BABAM2: variants seen among roughly 807,000 people sequenced by gnomAD.
BABAM2 encodes BRISC and BRCA1-A complex member 2.
A neutral mutation model predicts 54.7 loss-of-function variants in BABAM2; 31 were observed. The observed-to-expected ratio is 0.57, with a 90% CI of 0.43 to 0.77. BABAM2 has a LOEUF of 0.77. Among genes scored for constraint, BABAM2 ranks in the 30% least tolerant of loss-of-function variants. The pLI is 0.00. For missense variants in BABAM2, 364 were observed against 455.8 expected, an observed-to-expected ratio of 0.80 and a Z score of 1.83; for synonymous variants, 167 against 162.9, an observed-to-expected ratio of 1.03 and a Z score of -0.19.
At chr2:27,982,844 TACACACACACACAC>T (rs146744707) in intron 3 of BABAM2, among the ~76,000 whole-genome samples, 8 of 127,164 alleles carry the variant, frequency 6.3e-5, no homozygotes, top group Non-Finnish European at 8.2e-5. Context: ...TCATTATGTG[TACACACACACACAC>T]ACACACACAC....
chr2:27,983,188 G>A (rs1573323726), intron 3 of BABAM2, among the ~76,000 whole-genome samples: 1 of 151,778 alleles, frequency 6.6e-6, no homozygotes, highest in Admixed American at 6.6e-5. Context: ...TTTTTTGTTT[G>A]ATAGTAGCTC....
intron 11 of BABAM2, among the ~76,000 whole-genome samples, chr2:28,332,493 A>G (rs1423989188): frequency 6.6e-6 from 1 of 152,118 alleles, no homozygotes; most frequent in Non-Finnish European, 1.5e-5. Flanking sequence ...GGATGACACA[A>G]TGAGCCAGGG....
intron 3 of BABAM2, among the ~76,000 whole-genome samples, chr2:27,948,642 A>C (rs1007314825): frequency 6.6e-6 from 1 of 152,148 alleles, no homozygotes; most frequent in African/African-American, 2.4e-5. Context: ...ATGATGGCGC[A>C]TGCCTGTAAT....
intron 6 of BABAM2, among the ~76,000 whole-genome samples, chr2:28,119,804 T>C (rs772897086): frequency 6.6e-6 from 1 of 152,188 alleles, no homozygotes; most frequent in Non-Finnish European, 1.5e-5. Context: ...TTGGAAGACA[T>C]GGGCAGGTGG....
intron 2 of BABAM2, 39 bp downstream of exon 2, chr2:27,894,723 A>G (rs761326396): frequency 3.1e-6 from 5 of 1,611,108 alleles, no homozygotes; most frequent in Non-Finnish European, 4.2e-6. Flanking sequence ...TACCAGAACC[A>G]ATTCAACCTT....
At chr2:28,232,104 T>C (rs988738455) in intron 7 of BABAM2, among the ~76,000 whole-genome samples, 1 of 152,094 alleles carries the variant, frequency 6.6e-6, no homozygotes, top group Non-Finnish European at 1.5e-5. Context: ...CTGTGCCTGG[T>C]CAGGTGTCTT....
intron 3 of BABAM2, among the ~76,000 whole-genome samples, chr2:27,935,794 G>A (rs1267073712): frequency 6.6e-6 from 1 of 152,240 alleles, no homozygotes; most frequent in Non-Finnish European, 1.5e-5. Flanking sequence ...ACTGTAATCA[G>A]TCAGGAGCCA....
intron 7 of BABAM2, among the ~76,000 whole-genome samples, chr2:28,132,209 G>A (rs1670145076): frequency 6.9e-6 from 1 of 145,430 alleles, no homozygotes; most frequent in Non-Finnish European, 1.5e-5. Flanking sequence ...CACCATCTCC[G>A]CTCACTGCAA....
chr2:28,061,229 GAGA>G (rs1334401630), intron 6 of BABAM2, among the ~76,000 whole-genome samples: 4 of 152,170 alleles, frequency 2.6e-5, no homozygotes, highest in East Asian at 3.9e-4. Flanking sequence ...AGGCAATTCA[GAGA>G]AGAACAGATA....
intron 4 of BABAM2, among the ~76,000 whole-genome samples, chr2:28,023,136 A>G (rs187053198): frequency 6.6e-6 from 1 of 152,256 alleles, no homozygotes; most frequent in Admixed American, 6.5e-5. Context: ...TATGTCTTTA[A>G]CCATTTGTTT....
chr2:28,178,709 T>TTA (rs1553335512), intron 7 of BABAM2, among the ~76,000 whole-genome samples: 5 of 146,112 alleles, frequency 3.4e-5, no homozygotes, highest in South Asian at 4.3e-4. Flanking sequence ...GTTTTTTTTT[T>TTA]AAAAAGATGA....
intron 3 of BABAM2, among the ~76,000 whole-genome samples, chr2:27,941,962 T>G (rs1464725277): frequency 1.3e-5 from 2 of 152,252 alleles, no homozygotes; most frequent in Non-Finnish European, 2.9e-5. Context: ...GAGCTTCTAC[T>G]TTAATGAATC....
chr2:28,186,135 T>TTCCG (rs1385618573), intron 7 of BABAM2, among the ~76,000 whole-genome samples: 1 of 152,248 alleles, frequency 6.6e-6, no homozygotes, highest in African/African-American at 2.4e-5. Flanking sequence ...TCATGGTTAA[T>TTCCG]TCCGACCTTA....
chr2:28,298,978 A>T (rs1036563883), intron 11 of BABAM2, among the ~76,000 whole-genome samples: 6 of 152,310 alleles, frequency 3.9e-5, no homozygotes, highest in East Asian at 3.9e-4. Flanking sequence ...ATAGTTTTTT[A>T]AAAAATGGAA....
At chr2:28,100,462 CAAAAAAAAA>C (rs34217491) in intron 6 of BABAM2, among the ~76,000 whole-genome samples, 4 of 89,636 alleles carry the variant, frequency 4.5e-5, no homozygotes, top group Non-Finnish European at 8.2e-5. Flanking sequence ...ACTCTGTCTC[CAAAAAAAAA>C]AAAAAAAAAA....
intron 3 of BABAM2, among the ~76,000 whole-genome samples, chr2:27,973,647 G>A (rs1036470524): frequency 6.6e-6 from 1 of 152,122 alleles, no homozygotes; most frequent in Non-Finnish European, 1.5e-5. Flanking sequence ...GGCAGAGTAC[G>A]GGGGAAATCA....
chr2:28,197,652 T>C (rs1677754332), intron 7 of BABAM2, among the ~76,000 whole-genome samples: 1 of 152,190 alleles, frequency 6.6e-6, no homozygotes, highest in Non-Finnish European at 1.5e-5. Context: ...AGAGTACTAG[T>C]AACAAAGCCC....
chr2:28,258,193 T>C (rs1684130418), intron 10 of BABAM2, among the ~76,000 whole-genome samples: 3 of 151,928 alleles, frequency 2.0e-5, no homozygotes, highest in African/African-American at 7.3e-5. Flanking sequence ...AAATAATAAA[T>C]AAATAAAAAG....
chr2:28,318,218 CA>C (rs1689729176), intron 11 of BABAM2, among the ~76,000 whole-genome samples: 1 of 152,202 alleles, frequency 6.6e-6, no homozygotes, highest in Admixed American at 6.5e-5. Flanking sequence ...GGAGCGACCT[CA>C]TCTCTTCTCC....
Sources: allele counts gnomAD v4.1 joint callset (sites outside exome capture counted in the v4.1 genomes callset), GRCh38; gene constraint gnomAD v4.1.1; transcripts MANE v1.5; gene names NCBI Gene and HGNC (gene_info 2026-07-23, HGNC 2026-07-21).